ZC3H3: variants seen among roughly 807,000 people sequenced by gnomAD.
The protein encoded by ZC3H3 is zinc finger CCCH-type containing 3.
ZC3H3 carries 36 observed loss-of-function variants against 77.3 expected under a neutral mutation model. That is an observed-to-expected ratio of 0.47 (90% CI 0.36 to 0.61). The LOEUF (loss-of-function observed/expected upper bound fraction) is 0.61, where lower values mean the gene tolerates loss of function less well. Ranked by LOEUF, ZC3H3 falls within the 20% of genes least tolerant of loss-of-function variation. The pLI, the probability that ZC3H3 is intolerant of heterozygous loss-of-function variation, is 0.00. For synonymous variants in ZC3H3, 626 were observed against 555.2 expected (o/e 1.13, Z -1.79); for missense variants, 1,331 against 1,312.2 (o/e 1.01, Z -0.22).
At chr8:143,501,511 G>A (rs1343772861) in intron 4 of ZC3H3, among the ~76,000 whole-genome samples, 2 of 152,236 alleles carry the variant, frequency 1.3e-5, no homozygotes, top group Non-Finnish European at 2.9e-5. Flanking sequence ...GCCACAGGGT[G>A]CTGGTTTTAC....
chr8:143,484,037 G>A (rs565066456), intron 4 of ZC3H3, among the ~76,000 whole-genome samples: 34 of 151,892 alleles, frequency 2.2e-4, no homozygotes, highest in African/African-American at 8.0e-4. Flanking sequence ...CTGCACCAGC[G>A]GCCAGGGGCG....
Position 143,437,799 on chromosome 8 carries a change from C to A in ZC3H3, c.*257G>T, listed in dbSNP as rs1042567856. ...GTTGCCAATGGCAGTCGGGGACAGG[C>A]CTGGAGGCCAGCCCTGCCTGGCACC... On this transcript the variant is annotated 3_prime_UTR_variant, in exon 12 of 12. Transcript: ENST00000262577. 5 of 551,386 alleles carry A rather than the reference C, an allele frequency of 9.1e-6. No homozygotes were observed. Among genetic ancestry groups the A allele is most frequent in the Middle Eastern group, 4.9e-4 (1 of 2,022 alleles). 34.2% of individuals were successfully genotyped at this position (551,386 alleles called of 1,614,324 possible). A position where few individuals can be genotyped will look rare whatever the true frequency, so the allele number is the denominator to read the frequency against.
rs1251823987 is a variant in ZC3H3, at chr8:143,494,189, A to G, written c.1715+13557T>C. On this transcript the variant is annotated intron_variant, in intron 4 of 11. Transcript: ENST00000262577. This position sits in a 1 kb window ranked among gnomAD's most constrained non-coding sequence, Gnocchi z 5.3. Reference sequence around the variant, plus strand: ...GGCTGACCACGCCTGGTGCCCACCCACACCCCACACAGAGGCCCAGAGCGC... The same window carrying G: ...GGCTGACCACGCCTGGTGCCCACCCGCACCCCACACAGAGGCCCAGAGCGC... 1.3e-5 allele frequency among the ~76,000 whole-genome samples: 2 copies of G among 152,152 alleles called. No homozygotes were observed. The highest frequency in any genetic ancestry group is 2.9e-5 in the Non-Finnish European group (2 of 68,008).
intron 9 of ZC3H3, among the ~76,000 whole-genome samples, chr8:143,464,777 C>G (rs1820363103): frequency 6.6e-6 from 1 of 152,312 alleles, no homozygotes; most frequent in African/African-American, 2.4e-5. Flanking sequence ...GGCTCCCTCC[C>G]AAGATGCCAG....
At chr8:143,536,750 AC>A (rs1822812938) in intron 2 of ZC3H3, among the ~76,000 whole-genome samples, 1 of 151,374 alleles carries the variant, frequency 6.6e-6, no homozygotes, top group East Asian at 1.9e-4. Flanking sequence ...CCGCATGTCC[AC>A]CCCCTCCCCA....
chr8:143,512,427 T>C (rs1439831313), intron 3 of ZC3H3, among the ~76,000 whole-genome samples: 1 of 152,270 alleles, frequency 6.6e-6, no homozygotes, highest in Non-Finnish European at 1.5e-5. Flanking sequence ...GACCCGTTTC[T>C]GTGTCTTTCC....
At chr8:143,464,726 T>G (rs1820361823) in intron 9 of ZC3H3, among the ~76,000 whole-genome samples, 1 of 151,980 alleles carries the variant, frequency 6.6e-6, no homozygotes, top group African/African-American at 2.4e-5. Context: ...CCAACACAAG[T>G]GTGAGGTCCA....
At chr8:143,490,689 C>T (rs1012777356) in intron 4 of ZC3H3, among the ~76,000 whole-genome samples, 12 of 152,166 alleles carry the variant, frequency 7.9e-5, no homozygotes, top group East Asian at 1.9e-4. Flanking sequence ...CCAAGGCAGG[C>T]GGATCACTTG....
rs770068777 is a variant in ZC3H3 at position 143,538,758 on chromosome 8, C to T, written c.609G>A (p.Lys203=). 70 of 1,611,456 alleles carry T rather than the reference C, an allele frequency of 4.3e-5. No individual in the cohort carries two copies. In the South Asian group the frequency reaches 7.1e-4, roughly 16 times the overall value. ...GGCTGTCGCCCACACTGCCCACTGA[C>T]TTCACCATCCTGGGCTTACCAGGCT... ...QKEPGKPRMV[K]SVGSVGDSPR... Residue 203 remains lysine (K), a synonymous_variant, in exon 2 of 12, where the codon AAG becomes AAA. Coordinates refer to ENST00000262577, the MANE Select transcript of ZC3H3 (RefSeq NM_015117.3).
chr8:143,493,848 T>C lies in ZC3H3; in HGVS notation c.1715+13898A>G, dbSNP rs1308960598. Among the ~76,000 whole-genome samples the C allele has an allele frequency of 6.6e-6, 1 of 152,184 alleles. No individual in the cohort carries two copies. Among genetic ancestry groups the C allele is most frequent in the East Asian group, 1.9e-4 (1 of 5,200 alleles). On this transcript the variant is annotated intron_variant, in intron 4 of 11. Coordinates refer to ENST00000262577, the MANE Select transcript of ZC3H3 (RefSeq NM_015117.3). The surrounding 1 kb of genome is among the most constrained non-coding windows in gnomAD (Gnocchi z 4.8). ...TTATATAATCGCCGAGTGGTTTAAA[T>C]TGAAAACCCCCAACTGAATCAATAT... is the stretch of plus-strand genomic sequence containing the variant.
chr8:143,508,442 G>A (rs768869283), intron 3 of ZC3H3, among the ~76,000 whole-genome samples: 5 of 152,224 alleles, frequency 3.3e-5, no homozygotes, highest in African/African-American at 9.6e-5. Context: ...TATGTACTTA[G>A]TCACTGTTTT....
rs1244995181 is a variant in ZC3H3, at chr8:143,533,685, CTTTTTTTTTTT to C, written c.1561+2561_1561+2571del. On this transcript the variant is annotated intron_variant, in intron 3 of 11. Coordinates refer to ENST00000262577, the MANE Select transcript of ZC3H3 (RefSeq NM_015117.3). This position sits in a 1 kb window ranked among gnomAD's most constrained non-coding sequence, Gnocchi z 4.0. ...CACTCCATGCAGCCGCCACGCTGGT[CTTTTTTTTTTT>C]TTTTTTTTGAGACAAAATGTCACTC... is the stretch of plus-strand genomic sequence containing the variant. 1.6e-5 allele frequency among the ~76,000 whole-genome samples: 2 copies of C among 128,724 alleles called. No individual in the cohort carries two copies. Among genetic ancestry groups the C allele is most frequent in the Non-Finnish European group, 1.6e-5 (1 of 60,724 alleles). The allele number at this position is 128,724 out of a possible 152,430, so 84.4% of individuals were successfully genotyped here.
At position 143,517,268 on chromosome 8, in the gene ZC3H3, C is replaced by T. The variant is rs1357627524; in HGVS notation, c.1562-9369G>A. ...GGAGAGTGGGGCTTCCTCCCCTCTT[C>T]CCCACGGCTCTACCCAGCCTCAGGT... On this transcript the variant is annotated intron_variant, in intron 3 of 11. Transcript: ENST00000262577. Among the ~76,000 whole-genome samples, 3 of 152,338 alleles carry T rather than the reference C, an allele frequency of 2.0e-5. No individual in the cohort carries two copies. In the East Asian group the frequency reaches 5.8e-4, roughly 29 times the overall value.
At chr8:143,535,620 G>A (rs1311435327) in intron 3 of ZC3H3, among the ~76,000 whole-genome samples, 2 of 152,212 alleles carry the variant, frequency 1.3e-5, no homozygotes, top group African/African-American at 4.8e-5. Context: ...CTCCCCCAGT[G>A]TGTCCTGGCA....
chr8:143,477,840 C>G (rs561772618), intron 4 of ZC3H3, among the ~76,000 whole-genome samples: 48 of 152,250 alleles, frequency 3.2e-4, no homozygotes, highest in African/African-American at 1.0e-3. Flanking sequence ...TGCACCCCCC[C>G]ACCGCAGCAC....
At chr8:143,500,806 G>A (rs558714301) in intron 4 of ZC3H3, among the ~76,000 whole-genome samples, 1 of 131,824 alleles carries the variant, frequency 7.6e-6, no homozygotes, top group Non-Finnish European at 1.6e-5. Context: ...ACACCGTCAC[G>A]TCACAATGTC....
At chr8:143,476,255 G>A (rs953372489) in intron 4 of ZC3H3, among the ~76,000 whole-genome samples, 1 of 152,204 alleles carries the variant, frequency 6.6e-6, no homozygotes, top group African/African-American at 2.4e-5. Context: ...GCACTGAGAG[G>A]GCATGGGGAC....
At position 143,440,070 on chromosome 8, in the gene ZC3H3, G is replaced by T. The variant is rs1379645620; in HGVS notation, c.2786C>A (p.Ala929Asp). ...GTCCTTGGTGAGGGGGGCCCTAGGG[G>T]CCCGGACCCTGGGCTGGGCTCCTGG... ...PSPGAQPRVR[A>D]PRAPLTKDSG... is the part of the protein sequence containing the mutation. Residue 929 changes from alanine (A) to aspartate (D), a missense_variant, in exon 11 of 12, where the codon GCC becomes GAC. This residue lies in a region of ZC3H3 where 249 missense variants were observed against 236.9 expected (regional missense o/e 1.05). Transcript: ENST00000262577. 1.3e-6 allele frequency: 2 copies of T among 1,585,594 alleles called. No individual in the cohort carries two copies. The highest frequency in any genetic ancestry group is 8.6e-7 in the Non-Finnish European group (1 of 1,167,210).
chr8:143,483,666 G>C (rs775722673), intron 4 of ZC3H3, among the ~76,000 whole-genome samples: 8 of 152,214 alleles, frequency 5.3e-5, no homozygotes, highest in Non-Finnish European at 1.2e-4. Flanking sequence ...GGCTGCCAGG[G>C]CTGAAATCTG....
Sources: allele counts gnomAD v4.1 joint callset (sites outside exome capture counted in the v4.1 genomes callset), GRCh38; gene constraint gnomAD v4.1.1; regional missense constraint gnomAD v4.1.1; non-coding constraint Gnocchi (gnomAD v3.1); transcripts MANE v1.5; gene names NCBI Gene and HGNC (gene_info 2026-07-23, HGNC 2026-07-21).